Variants in WWP1 observed in about 807,000 individuals in gnomAD.
WWP1 encodes NEDD4-like E3 ubiquitin-protein ligase WWP1.
In WWP1, 49 loss-of-function variants were observed where a neutral mutation model predicts 130.6. The observed-to-expected ratio is 0.38, with a 90% CI of 0.30 to 0.48. The LOEUF (loss-of-function observed/expected upper bound fraction) is 0.48, where lower values mean the gene tolerates loss of function less well. Ranked by LOEUF, WWP1 falls within the 20% of genes least tolerant of loss-of-function variation. WWP1 has a pLI of 0.99. For synonymous variants in WWP1, 332 were observed against 367.8 expected (o/e 0.90, Z 1.11); for missense variants, 809 against 1,100.6 (o/e 0.74, Z 3.75).
chr8:86,361,473 C>T (rs1823592187), intron 1 of WWP1, among the ~76,000 whole-genome samples: 1 of 152,128 alleles, frequency 6.6e-6, no homozygotes, highest in African/African-American at 2.4e-5. Flanking sequence ...TATATTCCTT[C>T]TCTGCTGAAA....
Position 86,427,909 on chromosome 8 carries a change from A to G in WWP1, c.1332+92A>G, listed in dbSNP as rs1260320924. ...TGCTATCCCTTGACCATAATCACAT[A>G]TCTATTTTGGTGATTTTCAGAAATG... On this transcript the variant is annotated intron_variant, in intron 11 of 24. Transcript: ENST00000517970. 22 of 1,303,728 alleles carry G rather than the reference A, an allele frequency of 1.7e-5. No homozygotes were observed. The East Asian group carries it at 4.9e-4, about 29-fold the overall frequency. 80.8% of individuals were successfully genotyped at this position (1,303,728 alleles called of 1,614,324 possible). A position where few individuals can be genotyped will look rare whatever the true frequency, so the allele number is the denominator to read the frequency against.
At chr8:86,449,274 C>T (rs1301818078) in intron 20 of WWP1, among the ~76,000 whole-genome samples, 1 of 152,178 alleles carries the variant, frequency 6.6e-6, no homozygotes, top group Non-Finnish European at 1.5e-5. Flanking sequence ...TATATCTGAA[C>T]TTTAGAAATA....
chr8:86,386,847 G>T (rs1825313960), intron 5 of WWP1: 1 of 152,134 alleles, frequency 6.6e-6, no homozygotes, highest in African/African-American at 2.4e-5. Context: ...TCTAGGATCT[G>T]GAAGTCCAAG....
chr8:86,380,586 C>T (rs1281700015), intron 3 of WWP1, 140 bp from the exon 4 acceptor site: 11 of 883,860 alleles, frequency 1.2e-5, no homozygotes, highest in Non-Finnish European at 1.8e-5. Flanking sequence ...TATCAGTAGC[C>T]CTTTTGTATT....
intron 5 of WWP1, among the ~76,000 whole-genome samples, chr8:86,384,443 C>T (rs1215137438): frequency 6.6e-6 from 1 of 151,914 alleles, no homozygotes; most frequent in Non-Finnish European, 1.5e-5. Flanking sequence ...GTAAGTTGGT[C>T]AAGAGTATAC....
chr8:86,467,380 CTT>C lies in WWP1; in HGVS notation c.*488_*489del, dbSNP rs1432191099. The C allele has an allele frequency of 6.6e-6, 1 of 151,654 alleles. No homozygotes were observed. Among genetic ancestry groups the C allele is most frequent in the African/African-American group, 2.4e-5 (1 of 41,028 alleles). 9.4% of individuals were successfully genotyped at this position (151,654 alleles called of 1,614,324 possible). ...AAGGTATTAAGGGCTTAGGCCAAAT[CTT>C]ACTTTGAGTATGTTAAAAAAAAAAA... On this transcript the variant is annotated 3_prime_UTR_variant, in exon 25 of 25. Coordinates refer to ENST00000517970, the MANE Select transcript of WWP1 (RefSeq NM_007013.4).
chr8:86,428,135 T>A (rs1438864397), intron 11 of WWP1, among the ~76,000 whole-genome samples: 1 of 152,234 alleles, frequency 6.6e-6, no homozygotes, highest in Non-Finnish European at 1.5e-5. Context: ...CTTCCACTTT[T>A]ATAAATTTTG....
chr8:86,398,410 T>C lies in WWP1; in HGVS notation c.403T>C (p.Leu135=), dbSNP rs1807795087. The change falls in exon 6 of 25, where the codon TTG becomes CTG. Residue 135 remains leucine (L), a synonymous_variant. Transcript: ENST00000517970. ...NKNGIAQTGE[L]TVVLDGLVIE... ...GAATGGCATAGCACAAACTGGTGAA[T>C]TGACAGTTGTGCTTGATGGATTGGT... 1 of 1,612,472 alleles carries C rather than the reference T, an allele frequency of 6.2e-7. No homozygotes were observed. The highest frequency in any genetic ancestry group is 1.3e-5 in the African/African-American group (1 of 74,916).
At position 86,439,438 on chromosome 8, in the gene WWP1, C is replaced by T. The variant is rs1013662662; in HGVS notation, c.1838+765C>T. On this transcript the variant is annotated intron_variant, in intron 17 of 24. Coordinates refer to ENST00000517970, the MANE Select transcript of WWP1 (RefSeq NM_007013.4). ...TGAACTCCTGAGCTCAAGAGATTCCCCCAACCTTGGTCTCCCAAAGTACTG... is the reference window on the plus strand; with the variant it reads ...TGAACTCCTGAGCTCAAGAGATTCCTCCAACCTTGGTCTCCCAAAGTACTG... 5.3e-5 allele frequency among the ~76,000 whole-genome samples: 8 copies of T among 152,144 alleles called. No individual in the cohort carries two copies. In the East Asian group the frequency reaches 1.4e-3, roughly 26 times the overall value.
chr8:86,362,189 T>TATATATGGC (rs1385958037), intron 1 of WWP1, among the ~76,000 whole-genome samples: 1 of 132,740 alleles, frequency 7.5e-6, no homozygotes, highest in African/African-American at 3.0e-5. Flanking sequence ...TATATATATA[T>TATATATGGC]ATATATATAT....
intron 9 of WWP1, among the ~76,000 whole-genome samples, chr8:86,412,282 G>A (rs1808629156): frequency 6.6e-6 from 1 of 152,106 alleles, no homozygotes; most frequent in African/African-American, 2.4e-5. Flanking sequence ...TGAGTGCTGG[G>A]GAGTCACAAA....
chr8:86,447,496 A>T (rs1389375078), intron 18 of WWP1, among the ~76,000 whole-genome samples: 2 of 152,038 alleles, frequency 1.3e-5, no homozygotes, highest in Non-Finnish European at 2.9e-5. Context: ...TTGATCTTCT[A>T]ACCTCATGAT....
chr8:86,378,837 G>C (rs939314369), intron 3 of WWP1, among the ~76,000 whole-genome samples: 2 of 152,150 alleles, frequency 1.3e-5, no homozygotes. Context: ...TATATAGTCA[G>C]TAATAATAGA....
At chr8:86,452,774 C>A in intron 21 of WWP1, 95 bp downstream of exon 21, 1 of 1,455,886 alleles carries the variant, frequency 6.9e-7, no homozygotes, top group Admixed American at 2.1e-5. Context: ...ATTTTAAAAT[C>A]CTGTAGCACA....
chr8:86,365,394 A>G (rs76718499), intron 1 of WWP1, among the ~76,000 whole-genome samples: 8,276 of 152,292 alleles, frequency 0.054, 380 homozygotes, highest in African/African-American at 0.12. Flanking sequence ...TTAGGCTTCA[A>G]TACCTTTTAG....
intron 9 of WWP1, among the ~76,000 whole-genome samples, chr8:86,412,093 G>GA (rs1266238244): frequency 6.6e-6 from 1 of 152,138 alleles, no homozygotes; most frequent in Non-Finnish European, 1.5e-5. Flanking sequence ...GAAGGGAAAA[G>GA]AAAAAACCTG....
At chr8:86,433,010 C>A (rs1285576838) in intron 14 of WWP1, among the ~76,000 whole-genome samples, 1 of 152,160 alleles carries the variant, frequency 6.6e-6, no homozygotes, top group Non-Finnish European at 1.5e-5. Context: ...CAAGGAAGTT[C>A]CCCTGACACT....
chr8:86,439,917 G>T (rs953906287), intron 17 of WWP1, among the ~76,000 whole-genome samples: 1 of 152,068 alleles, frequency 6.6e-6, no homozygotes, highest in African/African-American at 2.4e-5. Flanking sequence ...AACACAACTG[G>T]CAAAAAGAGA....
chr8:86,440,361 A>G lies in WWP1; in HGVS notation c.1838+1688A>G, dbSNP rs149497629. ...TCAAATGGTTTATTAAAGAGTTTACAGGATTGATATATTCCTACAGTCTTT... is the reference window on the plus strand; with the variant it reads ...TCAAATGGTTTATTAAAGAGTTTACGGGATTGATATATTCCTACAGTCTTT... On this transcript the variant is annotated intron_variant, in intron 17 of 24. Coordinates refer to ENST00000517970, the MANE Select transcript of WWP1 (RefSeq NM_007013.4). 3.7e-4 allele frequency among the ~76,000 whole-genome samples: 57 copies of G among 152,324 alleles called. No homozygotes were observed. In the East Asian group the frequency reaches 9.8e-3, roughly 26 times the overall value.
Sources: allele counts gnomAD v4.1 joint callset (sites outside exome capture counted in the v4.1 genomes callset), GRCh38; gene constraint gnomAD v4.1.1; transcripts MANE v1.5; gene names NCBI Gene and HGNC (gene_info 2026-07-23, HGNC 2026-07-21).